The following NSMCE2 variants were observed in gnomAD, a reference collection of about 807,000 sequenced individuals.
NSMCE2 encodes the protein NSE2 SUMO ligase component of SMC5/6 complex.
In NSMCE2, 24 loss-of-function variants were observed where a neutral mutation model predicts 23.8. That is an observed-to-expected ratio of 1.01 (90% CI 0.73 to 1.42). The LOEUF (loss-of-function observed/expected upper bound fraction) is 1.42, where lower values mean the gene tolerates loss of function less well. NSMCE2 is among the 40% of genes most tolerant of loss of function. The probability of loss-of-function intolerance (pLI) is 0.00; values close to 1 mark genes in which losing one functional copy is unlikely to be tolerated. For synonymous variants in NSMCE2, 92 were observed against 94.1 expected (o/e 0.98, Z 0.13); for missense variants, 284 against 296.5 (o/e 0.96, Z 0.31).
At chr8:125,125,866 T>C (rs565316461) in intron 3 of NSMCE2, among the ~76,000 whole-genome samples, 1 of 152,140 alleles carries the variant, frequency 6.6e-6, no homozygotes, top group Non-Finnish European at 1.5e-5. Flanking sequence ...AAGTCCTACA[T>C]TGGTGAGGAA....
chr8:125,324,869 C>G (rs1472991468), intron 5 of NSMCE2, among the ~76,000 whole-genome samples: 1 of 52,240 alleles, frequency 1.9e-5, no homozygotes, highest in South Asian at 5.8e-4. Flanking sequence ...CCACCGCGCC[C>G]GGCCCATTTT....
At chr8:125,111,803 GA>G (rs973998185) in intron 3 of NSMCE2, among the ~76,000 whole-genome samples, 4 of 150,472 alleles carry the variant, frequency 2.7e-5, no homozygotes, top group East Asian at 3.9e-4. Context: ...GTGTCTCAAA[GA>G]AAAAAAAATG....
chr8:125,308,777 G>A (rs1362089744), intron 5 of NSMCE2, among the ~76,000 whole-genome samples: 3 of 152,132 alleles, frequency 2.0e-5, no homozygotes, highest in Non-Finnish European at 4.4e-5. Flanking sequence ...CTCCCATTCC[G>A]GTGAGTGTAG....
chr8:125,351,352 A>G (rs182992638), intron 5 of NSMCE2: 14 of 152,036 alleles, frequency 9.2e-5, no homozygotes, highest in Admixed American at 7.2e-4. Context: ...ATTTTGTGAC[A>G]TAAAAAAAAA....
intron 5 of NSMCE2, among the ~76,000 whole-genome samples, chr8:125,221,853 T>C (rs187155064): frequency 8.5e-4 from 130 of 152,284 alleles, no homozygotes; most frequent in African/African-American, 3.1e-3. Flanking sequence ...TTCAGAAAGT[T>C]TTGGATTTTG....
intron 5 of NSMCE2, among the ~76,000 whole-genome samples, chr8:125,231,640 A>G (rs1431984427): frequency 6.6e-6 from 1 of 152,228 alleles, no homozygotes; most frequent in Non-Finnish European, 1.5e-5. Flanking sequence ...AGTGTGTATC[A>G]TGCATAGGAA....
chr8:125,345,356 T>C (rs887523234), intron 5 of NSMCE2, among the ~76,000 whole-genome samples: 1 of 152,258 alleles, frequency 6.6e-6, no homozygotes, highest in Non-Finnish European at 1.5e-5. Context: ...AAGGACCAAA[T>C]TGTCTTATTC....
chr8:125,365,384 G>A (rs183237464), intron 7 of NSMCE2, among the ~76,000 whole-genome samples: 32 of 152,094 alleles, frequency 2.1e-4, no homozygotes, highest in African/African-American at 6.7e-4. Flanking sequence ...ACCCTCAGCC[G>A]AGCTGCCCTC....
At chr8:125,141,897 T>C (rs1311592768) in intron 3 of NSMCE2, among the ~76,000 whole-genome samples, 2 of 152,180 alleles carry the variant, frequency 1.3e-5, no homozygotes, top group Non-Finnish European at 2.9e-5. Flanking sequence ...TGGTGAGTGC[T>C]CAATAAGCAT....
At chr8:125,338,149 G>A (rs1287835211) in intron 5 of NSMCE2, among the ~76,000 whole-genome samples, 2 of 152,062 alleles carry the variant, frequency 1.3e-5, no homozygotes, top group Non-Finnish European at 2.9e-5. Context: ...TGACCTCCCA[G>A]GTCACATAGC....
chr8:125,208,931 G>GT (rs1824220378), intron 5 of NSMCE2, among the ~76,000 whole-genome samples: 1 of 152,172 alleles, frequency 6.6e-6, no homozygotes. Context: ...TGCTGTCAAT[G>GT]TTTTTTTCCT....
intron 5 of NSMCE2, among the ~76,000 whole-genome samples, chr8:125,308,890 GC>G (rs1012518697): frequency 6.6e-6 from 1 of 152,170 alleles, no homozygotes; most frequent in African/African-American, 2.4e-5. Context: ...CCCCCTGCCA[GC>G]CATCTGAGGA....
chr8:125,173,105 AT>A (rs1185158238), intron 4 of NSMCE2, among the ~76,000 whole-genome samples: 2 of 152,190 alleles, frequency 1.3e-5, no homozygotes, highest in Non-Finnish European at 2.9e-5. Flanking sequence ...GATAATCAAG[AT>A]TCATTAACAC....
intron 3 of NSMCE2, among the ~76,000 whole-genome samples, chr8:125,138,621 A>G (rs1326123413): frequency 6.6e-6 from 1 of 152,122 alleles, no homozygotes; most frequent in African/African-American, 2.4e-5. Flanking sequence ...TGTTTAACTT[A>G]TGGCTGTAAT....
chr8:125,222,335 C>A (rs796835973), intron 5 of NSMCE2, among the ~76,000 whole-genome samples: 7 of 152,158 alleles, frequency 4.6e-5, no homozygotes, highest in African/African-American at 1.7e-4. Context: ...AGTTAATTGA[C>A]ATATCTGTCA....
chr8:125,165,706 A>G (rs906913395), intron 4 of NSMCE2, among the ~76,000 whole-genome samples: 1 of 152,210 alleles, frequency 6.6e-6, no homozygotes, highest in African/African-American at 2.4e-5. Context: ...GGAAGCATCT[A>G]AGTGTGGTTT....
chr8:125,215,190 C>T (rs544180917), intron 5 of NSMCE2, among the ~76,000 whole-genome samples: 6 of 141,674 alleles, frequency 4.2e-5, no homozygotes, highest in East Asian at 2.2e-4. Flanking sequence ...ATCCCTCCCC[C>T]CTCCCCCTAC....
intron 5 of NSMCE2, among the ~76,000 whole-genome samples, chr8:125,342,044 C>T (rs980348197): frequency 6.6e-6 from 1 of 152,104 alleles, no homozygotes; most frequent in African/African-American, 2.4e-5. Context: ...GGGGAGACTC[C>T]TGGGGACCCC....
intron 7 of NSMCE2, among the ~76,000 whole-genome samples, chr8:125,361,012 T>A (rs1043973504): frequency 2.0e-5 from 3 of 152,056 alleles, no homozygotes; most frequent in African/African-American, 7.2e-5. Context: ...CTAAAATATA[T>A]CTGTTAACAA....
Sources: gnomAD v4.1 joint callset for allele counts (sites outside exome capture counted in the v4.1 genomes callset) on GRCh38, gnomAD v4.1.1 for gene constraint, MANE v1.5 for transcripts, NCBI Gene and HGNC (gene_info 2026-07-23, HGNC 2026-07-21) for gene names.